PCOLCE2: variants seen among roughly 807,000 people sequenced by gnomAD.
PCOLCE2 encodes procollagen C-endopeptidase enhancer 2, also known as procollagen C-proteinase enhancer 2.
Under a neutral mutation model 47.0 loss-of-function variants are expected in PCOLCE2, and 42 were observed. The observed-to-expected ratio is 0.89, with a 90% CI of 0.70 to 1.16. The LOEUF (loss-of-function observed/expected upper bound fraction) is 1.16, where lower values mean the gene tolerates loss of function less well. Among genes scored for constraint, PCOLCE2 ranks in the 50% most tolerant of loss-of-function variants. PCOLCE2 has a pLI of 0.00. For synonymous variants in PCOLCE2, 169 were observed against 191.7 expected, an observed-to-expected ratio of 0.88 and a Z score of 0.98; for missense variants, 500 against 526.1, an observed-to-expected ratio of 0.95 and a Z score of 0.49.
chr3:142,841,672 T>C (rs1413561067), intron 4 of PCOLCE2, among the ~76,000 whole-genome samples: 5 of 152,224 alleles, frequency 3.3e-5, no homozygotes, highest in Non-Finnish European at 5.9e-5. Flanking sequence ...TTTATGTCTG[T>C]ATATATGTGT....
In PCOLCE2 at chr3:142,827,416, G is replaced by A. The variant is rs1937094385; in HGVS notation, c.865+2276C>T. ...AGGAGACAACCTTCTTGGAGCCAGA[G>A]GGCAGCTTCACACGGGTCTTCTTGG... On this transcript the variant is annotated intron_variant, in intron 6 of 8. Coordinates refer to ENST00000295992, the MANE Select transcript of PCOLCE2 (RefSeq NM_013363.4). The A allele has an allele frequency of 4.5e-6, 7 of 1,568,116 alleles. No individual in the cohort carries two copies. In the South Asian group the frequency reaches 6.7e-5, roughly 15 times the overall value.
chr3:142,870,510 C>G (rs1933368612), intron 2 of PCOLCE2, among the ~76,000 whole-genome samples: 1 of 152,156 alleles, frequency 6.6e-6, no homozygotes, highest in African/African-American at 2.4e-5. Context: ...TCCAAACTCT[C>G]AGCAACCAAG....
At chr3:142,837,135 G>A (rs1170892548) in intron 5 of PCOLCE2, among the ~76,000 whole-genome samples, 2 of 152,190 alleles carry the variant, frequency 1.3e-5, no homozygotes, top group Non-Finnish European at 2.9e-5. Flanking sequence ...GAAGGAAGAG[G>A]GCTACAAGCC....
intron 2 of PCOLCE2, among the ~76,000 whole-genome samples, chr3:142,858,619 G>A (rs1167706069): frequency 6.6e-6 from 1 of 152,126 alleles, no homozygotes. Flanking sequence ...TAAGTGGGGG[G>A]GTCCCACTAA....
chr3:142,845,288 G>T (rs1937312628), intron 3 of PCOLCE2, among the ~76,000 whole-genome samples: 1 of 152,134 alleles, frequency 6.6e-6, no homozygotes, highest in African/African-American at 2.4e-5. Flanking sequence ...TACTTCACGT[G>T]TTGTATATGT....
At chr3:142,844,161 G>C (rs1233634887) in intron 3 of PCOLCE2, among the ~76,000 whole-genome samples, 2 of 152,076 alleles carry the variant, frequency 1.3e-5, no homozygotes, top group Admixed American at 6.6e-5. Flanking sequence ...GGATATACCT[G>C]TGTAAACCAC....
rs183220961 is a variant in PCOLCE2, at chr3:142,820,187, C to G, written c.1117+691G>C. Among the ~76,000 whole-genome samples the G allele has an allele frequency of 1.6e-4, 24 of 152,132 alleles. No individual in the cohort carries two copies. In the East Asian group the frequency reaches 4.4e-3, roughly 28 times the overall value. ...AACTTCTGGGCTCAAGCAATCCTCC[C>G]ACCTCGGCCTCCCAAAGTGCTGGGA... is the stretch of plus-strand genomic sequence containing the variant. On this transcript the variant is annotated intron_variant, in intron 8 of 8. Coordinates refer to ENST00000295992, the MANE Select transcript of PCOLCE2 (RefSeq NM_013363.4).
chr3:142,843,791 A>G (rs529147361), intron 3 of PCOLCE2, among the ~76,000 whole-genome samples: 1 of 152,282 alleles, frequency 6.6e-6, no homozygotes, highest in South Asian at 2.1e-4. Context: ...ACTGAACTGA[A>G]ACTAAAATAA....
chr3:142,858,941 C>G (rs1485554098), intron 2 of PCOLCE2, among the ~76,000 whole-genome samples: 8 of 152,082 alleles, frequency 5.3e-5, no homozygotes, highest in Admixed American at 5.2e-4. Context: ...AAAAGCATCC[C>G]CAGGCTAAAC....
intron 3 of PCOLCE2, among the ~76,000 whole-genome samples, chr3:142,843,630 A>G (rs935615261): frequency 1.3e-5 from 2 of 151,994 alleles, no homozygotes; most frequent in Non-Finnish European, 2.9e-5. Context: ...GCCACCAAAA[A>G]CTCATCAAAA....
chr3:142,818,578 T>C, intron 8 of PCOLCE2, 113 bp from the exon 9 acceptor site: 1 of 835,730 alleles, frequency 1.2e-6, no homozygotes, highest in East Asian at 2.5e-5. Context: ...GGTAAGATTA[T>C]ACATGTATTC....
chr3:142,824,809 G>A (rs143875272), intron 6 of PCOLCE2, among the ~76,000 whole-genome samples: 2,064 of 152,118 alleles, frequency 0.014, 48 homozygotes, highest in African/African-American at 0.047. Flanking sequence ...TGTATTTTTA[G>A]TAGAGATTTC....
At chr3:142,861,915 T>C (rs992646155) in intron 2 of PCOLCE2, among the ~76,000 whole-genome samples, 1 of 152,236 alleles carries the variant, frequency 6.6e-6, no homozygotes, top group Non-Finnish European at 1.5e-5. Context: ...GATTGTTCCA[T>C]GCCTCGCCTG....
intron 2 of PCOLCE2, among the ~76,000 whole-genome samples, chr3:142,851,884 G>A (rs1578040088): frequency 2.6e-5 from 4 of 152,284 alleles, no homozygotes; most frequent in Admixed American, 2.6e-4. Context: ...CCTGTAGAGA[G>A]GTGTTGAAAT....
intron 2 of PCOLCE2, among the ~76,000 whole-genome samples, chr3:142,852,798 T>G (rs1264523663): frequency 1.3e-5 from 2 of 150,702 alleles, no homozygotes; most frequent in Non-Finnish European, 3.0e-5. Flanking sequence ...GCACAGTGAC[T>G]TTTTGTGTTG....
chr3:142,855,547 T>C (rs1439326626), intron 2 of PCOLCE2, among the ~76,000 whole-genome samples: 1 of 152,156 alleles, frequency 6.6e-6, no homozygotes, highest in African/African-American at 2.4e-5. Context: ...TGTTTTTCCA[T>C]GACCTGACTG....
rs780179321 is a variant in PCOLCE2, at chr3:142,848,492, T to C, written c.193-20A>G. 18 of 1,581,726 alleles carry C rather than the reference T, an allele frequency of 1.1e-5. No individual in the cohort carries two copies. The highest frequency in any genetic ancestry group is 4.3e-6 in the Non-Finnish European group (5 of 1,158,836). ...GGGAACCTGCCAAGAAAAGCGCCAA[T>C]TAGAAAACTGTCATGAAAACAATAT... On this transcript the variant is annotated intron_variant, in intron 2 of 8. Transcript: ENST00000295992.
At chr3:142,846,460 A>G (rs1414154529) in intron 3 of PCOLCE2, among the ~76,000 whole-genome samples, 2 of 152,198 alleles carry the variant, frequency 1.3e-5, no homozygotes, top group Non-Finnish European at 2.9e-5. Flanking sequence ...TTGGCCTCCC[A>G]AAGTGCTGGG....
chr3:142,880,043 C>T (rs180903145), intron 2 of PCOLCE2, among the ~76,000 whole-genome samples: 2 of 149,526 alleles, frequency 1.3e-5, no homozygotes, highest in East Asian at 2.0e-4. Flanking sequence ...ATAAACAACC[C>T]CACCCCCCCA....
Sources: allele counts gnomAD v4.1 joint callset (sites outside exome capture counted in the v4.1 genomes callset), GRCh38; gene constraint gnomAD v4.1.1; transcripts MANE v1.5; gene names NCBI Gene and HGNC (gene_info 2026-07-23, HGNC 2026-07-21).